AR: variants seen among roughly 807,000 people sequenced by gnomAD.
AR encodes dihydrotestosterone receptor.
A neutral mutation model predicts 53.9 loss-of-function variants in AR; 8 were observed. That is an observed-to-expected ratio of 0.15 (90% confidence interval 0.09 to 0.27). The LOEUF is 0.27. Among genes scored for constraint, AR ranks in the 10% least tolerant of loss-of-function variants. The pLI is 1.00. For synonymous variants in AR, 359 were observed against 316.4 expected (o/e 1.13, Z -1.43); for missense variants, 639 against 742.5 (o/e 0.86, Z 1.62).
chrX:67,590,809 T>C (rs1020712727), intron 1 of AR, among the ~76,000 whole-genome samples: 14 of 112,272 alleles, frequency 1.2e-4, no homozygotes, highest in African/African-American at 4.5e-4. Context: ...TCATCAGTTT[T>C]GATGTTTCTT....
At chrX:67,697,716 TCA>T (rs2076026728) in intron 3 of AR, among the ~76,000 whole-genome samples, 1 of 111,764 alleles carries the variant, frequency 8.9e-6, no homozygotes, top group Non-Finnish European at 1.9e-5. Flanking sequence ...TCCAGTCATA[TCA>T]TCACCATTAT....
intron 1 of AR, among the ~76,000 whole-genome samples, chrX:67,561,108 G>A (rs947106231): frequency 8.9e-6 from 1 of 111,997 alleles, no homozygotes; most frequent in African/African-American, 3.2e-5. Flanking sequence ...GTCTGATAAC[G>A]TCCTTCTAAA....
At chrX:67,644,074 A>T (rs965578920) in intron 2 of AR, among the ~76,000 whole-genome samples, 4 of 112,407 alleles carry the variant, frequency 3.6e-5, no homozygotes, top group Non-Finnish European at 7.5e-5. Flanking sequence ...ATCTGGCTAA[A>T]TTGGCTCAAG....
At chrX:67,674,441 A>G (rs1210026439) in intron 2 of AR, among the ~76,000 whole-genome samples, 1 of 111,004 alleles carries the variant, frequency 9.0e-6, no homozygotes, top group Non-Finnish European at 1.9e-5. Flanking sequence ...TGAGTTCCTC[A>G]AGCAGGTCCA....
intron 2 of AR, among the ~76,000 whole-genome samples, chrX:67,654,254 G>C (rs1229851155): frequency 9.0e-6 from 1 of 111,544 alleles, no homozygotes; most frequent in Non-Finnish European, 1.9e-5. Flanking sequence ...CCTAGAGTGA[G>C]TCTTGGTCAT....
Position 67,545,316 on chromosome X carries a change from TGCAGCAGCAGCAGCAGCAGCA to T in AR, c.219_239del (p.Gln74_Gln80del), listed in dbSNP as rs3032358. ...CCTCCCGGCGCCAGTTTGCTGCTGC[TGCAGCAGCAGCAGCAGCAGCA>T]GCAGCAGCAGCAGCAGCAGCAGCAG... On this transcript the variant is annotated inframe_deletion, in exon 1 of 8. Coordinates refer to ENST00000374690, the MANE Select transcript of AR (RefSeq NM_000044.6). 2,152 of 1,002,829 alleles carry T rather than the reference TGCAGCAGCAGCAGCAGCAGCA, an allele frequency of 2.1e-3. 11 individuals carry two copies. Among genetic ancestry groups the T allele is most frequent in the African/African-American group, 0.016 (682 of 42,448 alleles). The allele number at this position is 1,002,829 out of a possible 1,213,427, so 82.6% of individuals were successfully genotyped here.
intron 1 of AR, among the ~76,000 whole-genome samples, chrX:67,604,400 G>A (rs1451182238): frequency 9.0e-6 from 1 of 110,528 alleles, no homozygotes; most frequent in Admixed American, 9.7e-5. Context: ...ATGTTCCTCT[G>A]AGAGAATAGG....
At chrX:67,714,225 C>T (rs1360217156) in intron 4 of AR, among the ~76,000 whole-genome samples, 1 of 111,920 alleles carries the variant, frequency 8.9e-6, no homozygotes, top group Non-Finnish European at 1.9e-5. Flanking sequence ...GAGCAAATCA[C>T]ATGTCTTCTC....
intron 1 of AR, among the ~76,000 whole-genome samples, chrX:67,569,833 C>T (rs775065213): frequency 1.8e-5 from 2 of 111,166 alleles, no homozygotes; most frequent in Admixed American, 9.6e-5. Flanking sequence ...ATGTCATAGC[C>T]ATTCTTTGTG....
chrX:67,664,121 G>A (rs1190351005), intron 2 of AR, among the ~76,000 whole-genome samples: 3 of 111,884 alleles, frequency 2.7e-5, no homozygotes, highest in Non-Finnish European at 5.6e-5. Context: ...CTCTCAACTC[G>A]TCAAAGTCAT....
intron 2 of AR, among the ~76,000 whole-genome samples, chrX:67,659,597 T>A: frequency 8.9e-6 from 1 of 112,120 alleles, no homozygotes; most frequent in Non-Finnish European, 1.9e-5. Flanking sequence ...TGTGCCACAT[T>A]TTCTTAATCC....
At chrX:67,646,351 G>C (rs1926058197) in intron 2 of AR, among the ~76,000 whole-genome samples, 2 of 110,711 alleles carry the variant, frequency 1.8e-5, no homozygotes, top group African/African-American at 6.6e-5. Context: ...GGCTGGGCAG[G>C]GAGGGTCTGC....
intron 4 of AR, among the ~76,000 whole-genome samples, chrX:67,712,793 A>T (rs909169126): frequency 2.7e-5 from 3 of 112,338 alleles, no homozygotes; most frequent in Non-Finnish European, 3.8e-5. Flanking sequence ...AATAACAACA[A>T]CCAAACCTTC....
intron 3 of AR, among the ~76,000 whole-genome samples, chrX:67,688,636 G>A (rs926061625): frequency 1.8e-5 from 2 of 111,677 alleles, no homozygotes; most frequent in Non-Finnish European, 3.8e-5. Flanking sequence ...ATCCTGTTCA[G>A]AAGCTAATTT....
At chrX:67,553,184 A>G (rs1033291922) in intron 1 of AR, among the ~76,000 whole-genome samples, 5 of 111,911 alleles carry the variant, frequency 4.5e-5, no homozygotes, top group African/African-American at 1.6e-4. Flanking sequence ...TAAGAGTTTT[A>G]TAGTTTTCGC....
chrX:67,627,776 C>T (rs1343583173), intron 1 of AR, among the ~76,000 whole-genome samples: 9 of 111,482 alleles, frequency 8.1e-5, no homozygotes, highest in Non-Finnish European at 1.3e-4. Context: ...TTAGGTCTAA[C>T]GTTTAAGTCT....
At chrX:67,676,063 G>C (rs1266910460) in intron 2 of AR, among the ~76,000 whole-genome samples, 2 of 112,057 alleles carry the variant, frequency 1.8e-5, no homozygotes, top group Non-Finnish European at 3.8e-5. Flanking sequence ...AGGTGATAAT[G>C]CTTTTGAAAA....
At chrX:67,555,088 A>G (rs1719015685) in intron 1 of AR, among the ~76,000 whole-genome samples, 1 of 110,801 alleles carries the variant, frequency 9.0e-6, no homozygotes, top group Admixed American at 9.7e-5. Flanking sequence ...AAACAAACAA[A>G]AACCAAACAA....
intron 4 of AR, among the ~76,000 whole-genome samples, chrX:67,716,524 T>C (rs1473539793): frequency 9.0e-6 from 1 of 111,548 alleles, no homozygotes. Flanking sequence ...GAGATCAGTC[T>C]AGGTAGGCAG....
Sources: gnomAD v4.1 joint callset for allele counts (sites outside exome capture counted in the v4.1 genomes callset) on GRCh38, gnomAD v4.1.1 for gene constraint, MANE v1.5 for transcripts, NCBI Gene and HGNC (gene_info 2026-07-23, HGNC 2026-07-21) for gene names.